The following BRAF variants were observed in gnomAD, a reference collection of about 807,000 sequenced individuals.
BRAF encodes B-Raf proto-oncogene, serine/threonine kinase, also known as serine/threonine-protein kinase B-raf.
A neutral mutation model predicts 104.6 loss-of-function variants in BRAF; 16 were observed. That is an observed-to-expected ratio of 0.15 (90% CI 0.10 to 0.23). The LOEUF is 0.23. BRAF is among the 10% of genes least tolerant of loss of function. BRAF has a pLI of 1.00. For missense variants in BRAF, 541 were observed against 937.3 expected, an observed-to-expected ratio of 0.58 and a Z score of 5.52; for synonymous variants, 310 against 341.6, an observed-to-expected ratio of 0.91 and a Z score of 1.02.
intron 1 of BRAF, among the ~76,000 whole-genome samples, chr7:140,911,814 G>C (rs958431634): frequency 6.6e-6 from 1 of 152,220 alleles, no homozygotes; most frequent in Non-Finnish European, 1.5e-5. Context: ...ATTCATGGCA[G>C]GATAGTGGCA....
chr7:140,734,902 A>G, intron 18 of BRAF, 132 bp from the exon 18 acceptor site: 1 of 969,934 alleles, frequency 1.0e-6, no homozygotes, highest in South Asian at 1.8e-5. Context: ...ATCACACTTT[A>G]CAAGAAAGCA....
intron 17 of BRAF, chr7:140,741,355 A>G (rs1416183593): frequency 2.6e-5 from 4 of 152,200 alleles, no homozygotes; most frequent in African/African-American, 9.7e-5. Context: ...AGACTATCCC[A>G]ATACAAAGCT....
intron 17 of BRAF, among the ~76,000 whole-genome samples, chr7:140,748,747 G>A (rs1312220143): frequency 6.6e-6 from 1 of 152,078 alleles, no homozygotes; most frequent in African/African-American, 2.4e-5. Context: ...CCTTTTGGAA[G>A]GTAAGGGACA....
At chr7:140,737,369 G>A (rs1163508230) in intron 18 of BRAF, among the ~76,000 whole-genome samples, 1 of 152,096 alleles carries the variant, frequency 6.6e-6, no homozygotes, top group Non-Finnish European at 1.5e-5. Flanking sequence ...CCTGAGAGGC[G>A]AAATTAAAAT....
At chr7:140,915,808 TA>T (rs1291782154) in intron 1 of BRAF, among the ~76,000 whole-genome samples, 2 of 151,742 alleles carry the variant, frequency 1.3e-5, no homozygotes, top group Non-Finnish European at 2.9e-5. Context: ...GAACAATAGT[TA>T]AAAATAGTCT....
chr7:140,826,860 A>T (rs1806107001), intron 3 of BRAF, among the ~76,000 whole-genome samples: 1 of 152,204 alleles, frequency 6.6e-6, no homozygotes, highest in Admixed American at 6.5e-5. Flanking sequence ...AATCAATGTT[A>T]AAAATTTCCC....
At chr7:140,762,758 T>C (rs1467586819) in intron 14 of BRAF, among the ~76,000 whole-genome samples, 2 of 152,102 alleles carry the variant, frequency 1.3e-5, no homozygotes, top group East Asian at 1.9e-4. Flanking sequence ...CCTGCGGCCT[T>C]CCGCAGTGTT....
chr7:140,725,017 T>C lies in BRAF; in HGVS notation c.*1477A>G. On this transcript the variant is annotated 3_prime_UTR_variant, in exon 20 of 20. Transcript: ENST00000644969. ...TTCTATAAAAACAACTGATGACAGC[T>C]TTCCCACACCCTCCCTCAGTCCTAA... is the stretch of plus-strand genomic sequence containing the variant. The C allele has an allele frequency of 6.7e-6, 7 of 1,047,244 alleles. No individual in the cohort carries two copies. The highest frequency in any genetic ancestry group is 8.1e-6 in the Non-Finnish European group (7 of 867,962). 64.9% of individuals were successfully genotyped at this position (1,047,244 alleles called of 1,614,324 possible).
chr7:140,778,593 A>C (rs1800548306), intron 12 of BRAF, among the ~76,000 whole-genome samples: 1 of 152,102 alleles, frequency 6.6e-6, no homozygotes, highest in Non-Finnish European at 1.5e-5. Flanking sequence ...AATTTAAAAA[A>C]AACTTCATGT....
intron 17 of BRAF, among the ~76,000 whole-genome samples, chr7:140,745,386 TTTAG>T (rs1797268886): frequency 6.6e-6 from 1 of 152,034 alleles, no homozygotes; most frequent in Non-Finnish European, 1.5e-5. Context: ...TCCCACAGAA[TTTAG>T]TTAGTGCAGA....
chr7:140,738,143 A>G (rs1025067355), intron 18 of BRAF, among the ~76,000 whole-genome samples: 1 of 152,214 alleles, frequency 6.6e-6, no homozygotes, highest in Non-Finnish European at 1.5e-5. Flanking sequence ...AAAAAAATAA[A>G]AAGAAAAAAT....
chr7:140,896,222 G>A (rs1814879567), intron 1 of BRAF, among the ~76,000 whole-genome samples: 3 of 152,108 alleles, frequency 2.0e-5, no homozygotes. Flanking sequence ...GGGTCTTACA[G>A]GTAGGTCTTT....
intron 1 of BRAF, among the ~76,000 whole-genome samples, chr7:140,915,225 GAAAC>G (rs976350674): frequency 4.6e-5 from 7 of 151,770 alleles, no homozygotes; most frequent in Non-Finnish European, 8.8e-5. Context: ...AGTCAATTGA[GAAAC>G]AACCCCAAGC....
At chr7:140,813,943 T>A (rs985417359) in intron 3 of BRAF, among the ~76,000 whole-genome samples, 3 of 151,618 alleles carry the variant, frequency 2.0e-5, no homozygotes, top group Non-Finnish European at 4.4e-5. Context: ...ACCTAAAAGG[T>A]GCAGAGAAAA....
chr7:140,732,870 C>T (rs1796091540), intron 19 of BRAF: 2 of 152,162 alleles, frequency 1.3e-5, no homozygotes, highest in Non-Finnish European at 2.9e-5. Context: ...TTTGTAAAAA[C>T]TTTGTTAGTT....
In BRAF at chr7:140,735,363, T is replaced by C. The variant is rs148825266; in HGVS notation, c.2248-593A>G. 9.7e-3 allele frequency among the ~76,000 whole-genome samples: 1,473 copies of C among 152,260 alleles called. 29 individuals are homozygous for C. The highest frequency in any genetic ancestry group is 0.033 in the African/African-American group (1,362 of 41,542). On this transcript the variant is annotated intron_variant, in intron 18 of 19. Transcript: ENST00000644969. ...AGAACTCGACAAATAGACCCCAATA[T>C]ATAAAATGCAGAAATTCACAATTTT...
chr7:140,804,743 T>C (rs1183583508), intron 5 of BRAF, among the ~76,000 whole-genome samples: 1 of 152,206 alleles, frequency 6.6e-6, no homozygotes, highest in East Asian at 1.9e-4. Context: ...TAATCTATTC[T>C]GCTACATGTA....
chr7:140,864,900 G>C (rs1231744283), intron 1 of BRAF, among the ~76,000 whole-genome samples: 1 of 152,112 alleles, frequency 6.6e-6, no homozygotes, highest in Admixed American at 6.5e-5. Context: ...CAGACTGTCG[G>C]GAATGGTCTT....
chr7:140,855,555 A>C (rs1586421219), intron 1 of BRAF, among the ~76,000 whole-genome samples: 1 of 80,138 alleles, frequency 1.2e-5, no homozygotes, highest in Admixed American at 1.0e-4. Context: ...GCTATGGCAC[A>C]AAAAAAAAAC....
Sources: allele counts gnomAD v4.1 joint callset (sites outside exome capture counted in the v4.1 genomes callset), GRCh38; gene constraint gnomAD v4.1.1; transcripts MANE v1.5; gene names NCBI Gene and HGNC (gene_info 2026-07-23, HGNC 2026-07-21).